The following ACE variants were observed in gnomAD, a reference collection of about 807,000 sequenced individuals.
ACE encodes the protein angiotensin-converting enzyme.
In ACE, 122 loss-of-function variants were observed where a neutral mutation model predicts 162.3. The observed-to-expected ratio is 0.75, with a 90% CI of 0.65 to 0.87. ACE has a LOEUF of 0.87. ACE is among the 40% of genes least tolerant of loss of function. The probability of loss-of-function intolerance (pLI) is 0.00; values close to 1 mark genes in which losing one functional copy is unlikely to be tolerated. For synonymous variants in ACE, 796 were observed against 720.6 expected (o/e 1.10, Z -1.68); for missense variants, 1,799 against 1,735.1 (o/e 1.04, Z -0.65).
chr17:63,494,447 T>C lies in ACE; in HGVS notation c.3357T>C (p.Ile1119=). Residue 1119 remains isoleucine, a synonymous_variant, in exon 22 of 25, where the codon ATT becomes ATC. Coordinates refer to ENST00000290866, the MANE Select transcript of ACE (RefSeq NM_000789.4). The part of the protein sequence containing the change: ...GDFDPGAKFH[I]PSSVPYIRYF... ...TTGACCCAGGGGCCAAGTTCCACAT[T>C]CCTTCTAGCGTGCCTTACATCAGGT... 1 of 1,614,042 alleles carries C rather than the reference T, an allele frequency of 6.2e-7. No individual in the cohort carries two copies. Among genetic ancestry groups the C allele is most frequent in the Non-Finnish European group, 8.5e-7 (1 of 1,179,982 alleles).
In ACE at chr17:63,484,692, C is replaced by T; in HGVS notation, c.1921+151C>T. 1 of 1,445,886 alleles carries T rather than the reference C, an allele frequency of 6.9e-7. No individual in the cohort carries two copies. Among genetic ancestry groups the T allele is most frequent in the South Asian group, 1.4e-5 (1 of 69,412 alleles). 89.6% of individuals were successfully genotyped at this position (1,445,886 alleles called of 1,614,324 possible). ...CAGCCCCCCAAGCTCATCAGCAGGGCCTGCGAGTGGGGACAGGCATGTCTT... is the reference window on the plus strand; with the variant it reads ...CAGCCCCCCAAGCTCATCAGCAGGGTCTGCGAGTGGGGACAGGCATGTCTT... On this transcript the variant is annotated intron_variant, in intron 12 of 24. Coordinates refer to ENST00000290866, the MANE Select transcript of ACE (RefSeq NM_000789.4). This position sits in a 1 kb window ranked among gnomAD's most constrained non-coding sequence, Gnocchi z 4.0.
intron 7 of ACE, 45 bp downstream of exon 7, chr17:63,481,783 G>A (rs756543944): frequency 7.4e-6 from 12 of 1,613,070 alleles, no homozygotes; most frequent in Non-Finnish European, 9.3e-6. Flanking sequence ...CCGGTTCTGG[G>A]GCCCGGGGAA....
rs761685671 is a variant in ACE at position 63,496,968 on chromosome 17, A to C, written c.3674A>C (p.Asn1225Thr). The C allele has an allele frequency of 6.2e-7, 1 of 1,611,890 alleles. No homozygotes were observed. Among genetic ancestry groups the C allele is most frequent in the Non-Finnish European group, 8.5e-7 (1 of 1,179,690 alleles). ...HGEKLGWPQY[N>T]WTPNSARSEG... The stretch of plus-strand genomic sequence containing the variant: ...GAGAAGCTGGGCTGGCCGCAGTACA[A>C]CTGGACGCCGAACTCCGGTACCGCC... The change falls in exon 24 of 25, where the codon AAC becomes ACC. Residue 1225 changes from asparagine (N) to threonine (T), a missense_variant. Physicochemically the swap from Asn to Thr is moderately conservative, Grantham distance 65 (BLOSUM62 0). Transcript: ENST00000290866.
chr17:63,494,637 G>GT (rs1218867334), intron 22 of ACE, among the ~76,000 whole-genome samples, 167 bp downstream of exon 22: 8 of 152,316 alleles, frequency 5.3e-5, no homozygotes, highest in South Asian at 4.1e-4. Flanking sequence ...AGGCTGATGG[G>GT]TTTTTTCTTG....
chr17:63,481,691 GGT>G lies in ACE; in HGVS notation c.1075_1076del (p.Cys359ProfsTer32). On this transcript the variant is annotated frameshift_variant, in exon 7 of 25. Coordinates refer to ENST00000290866, the MANE Select transcript of ACE (RefSeq NM_000789.4). LOFTEE classifies it high-confidence loss of function. ...LEKPADGREV[V>X]CHASAWDFYN... ...AGAAGCCGGCCGACGGGCGGGAAGTGGTGTGCCACGCCTCGGCTTGGGACTTC... is the reference window on the plus strand; with the variant it reads ...AGAAGCCGGCCGACGGGCGGGAAGTGGTGCCACGCCTCGGCTTGGGACTTC... 1 of 1,614,190 alleles carries G rather than the reference GGT, an allele frequency of 6.2e-7. No homozygotes were observed. The highest frequency in any genetic ancestry group is 2.2e-5 in the East Asian group (1 of 44,888).
chr17:63,495,892 T>C (rs561077260), intron 22 of ACE, among the ~76,000 whole-genome samples: 13 of 152,296 alleles, frequency 8.5e-5, no homozygotes, highest in African/African-American at 3.1e-4. Flanking sequence ...ATTTAAAACC[T>C]CTTCAGACTT....
At chr17:63,497,102 G>T in intron 24 of ACE, 35 bp from the exon 25 acceptor site, 1 of 1,595,922 alleles carries the variant, frequency 6.3e-7, no homozygotes, top group Non-Finnish European at 8.5e-7. Flanking sequence ...GCCCTGCCCT[G>T]CCCTGCCCAT....
rs921227559 is a variant in ACE at position 63,483,105 on chromosome 17, G to A, written c.1419G>A (p.Gln473=). ...AFLPFGYLVD[Q]WRWGVFSGRT... is the part of the protein sequence containing the mutation. ...TGCCCTTTGGCTACTTGGTGGACCA[G>A]TGGCGCTGGGGGGTCTTTAGTGGGC... Residue 473 remains glutamine, a synonymous_variant, in exon 9 of 25, where the codon CAG becomes CAA. Transcript: ENST00000290866. The A allele has an allele frequency of 6.2e-7, 1 of 1,614,194 alleles. No individual in the cohort carries two copies. The highest frequency in any genetic ancestry group is 8.5e-7 in the Non-Finnish European group (1 of 1,180,038).
At chr17:63,493,694 G>T in intron 20 of ACE, 35 bp downstream of exon 20, 1 of 1,607,880 alleles carries the variant, frequency 6.2e-7, no homozygotes, top group African/African-American at 1.3e-5. Flanking sequence ...GTGGGCTGAG[G>T]ACCAAGAAAG....
chr17:63,493,031 A>T (rs999472075), intron 19 of ACE, among the ~76,000 whole-genome samples: 2 of 152,198 alleles, frequency 1.3e-5, no homozygotes, highest in Non-Finnish European at 2.9e-5. Context: ...CACCCCTGAC[A>T]GAAACAGTTG....
At chr17:63,487,171 T>C in intron 15 of ACE, 98 bp downstream of exon 15, 1 of 1,030,526 alleles carries the variant, frequency 9.7e-7, no homozygotes, top group Non-Finnish European at 1.5e-6. Flanking sequence ...TTCCCCTCGC[T>C]CTTGGGGTCA....
chr17:63,497,443 G>A lies in ACE; in HGVS notation c.*77G>A, dbSNP rs987624929. ...ATGGGAACACTGGTGGGCAGCTGAG[G>A]ACACACCCCACACCCCAGCCCACCC... On this transcript the variant is annotated 3_prime_UTR_variant, in exon 25 of 25. Transcript: ENST00000290866. 8.2e-6 allele frequency: 11 copies of A among 1,341,662 alleles called. No individual in the cohort carries two copies. Among genetic ancestry groups the A allele is most frequent in the Non-Finnish European group, 1.1e-5 (11 of 965,636 alleles). 83.1% of individuals were successfully genotyped at this position (1,341,662 alleles called of 1,614,324 possible).
chr17:63,489,255 G>A (rs1254788503), intron 17 of ACE, 123 bp downstream of exon 17: 3 of 1,269,550 alleles, frequency 2.4e-6, no homozygotes, highest in Non-Finnish European at 3.3e-6. Flanking sequence ...GCCCTGTGGG[G>A]GATGGTTGCC....
At position 63,494,062 on chromosome 17, in the gene ACE, C is replaced by A; in HGVS notation, c.3277C>A (p.Leu1093Ile). The change falls in exon 21 of 25, where the codon CTC (leucine) becomes ATC (isoleucine). Residue 1093 changes from leucine (L) to isoleucine (I), a missense_variant. Physicochemically the swap from Leu to Ile is conservative, Grantham distance 5. Transcript: ENST00000290866. ...KENYNQEWWS[L>I]RLKYQGLCPP... is the part of the protein sequence containing the mutation. Reference sequence around the variant, plus strand: ...GAACTATAACCAGGAGTGGTGGAGCCTCAGGTTCTGGAACACTCCCACGGG... The same window carrying A: ...GAACTATAACCAGGAGTGGTGGAGCATCAGGTTCTGGAACACTCCCACGGG... 6.2e-7 allele frequency: 1 copy of A among 1,614,032 alleles called. No individual in the cohort carries two copies. The highest frequency in any genetic ancestry group is 1.7e-4 in the Middle Eastern group (1 of 6,060).
In ACE at chr17:63,483,568, C is replaced by CGGG; in HGVS notation, c.1586+10_1586+11insGGG. 7.4e-5 allele frequency: 118 copies of CGGG among 1,584,958 alleles called. No homozygotes were observed. The highest frequency in any genetic ancestry group is 1.8e-4 in the Middle Eastern group (1 of 5,608). ...TGACACCATACATCAGGTATTAGCG[C>CGGG]CCCCACCCCACCCACCCCCAGTACT... On this transcript the variant is annotated intron_variant, in intron 10 of 24. Coordinates refer to ENST00000290866, the MANE Select transcript of ACE (RefSeq NM_000789.4).
Position 63,497,201 on chromosome 17 carries a change from G to C in ACE, c.3756G>C (p.Ala1252=), listed in dbSNP as rs770384980. 4 of 1,601,668 alleles carry C rather than the reference G, an allele frequency of 2.5e-6. No individual in the cohort carries two copies. In the East Asian group the frequency reaches 6.7e-5, roughly 27 times the overall value. The part of the protein sequence containing the change: ...RVSFLGLDLD[A]QQARVGQWLL... ...GCTTCCTGGGCCTGGACCTGGATGC[G>C]CAGCAGGCCCGCGTGGGCCAGTGGC... is the stretch of plus-strand genomic sequence containing the variant. Residue 1252 remains alanine, a synonymous_variant, in exon 25 of 25, where the codon GCG becomes GCC. Transcript: ENST00000290866.
intron 1 of ACE, 118 bp downstream of exon 1, chr17:63,477,461 G>C: frequency 2.4e-6 from 2 of 829,062 alleles, no homozygotes; most frequent in Non-Finnish European, 3.0e-6. Context: ...CCCGACCCCG[G>C]ACCCTCGCCC....
At chr17:63,487,659 A>C (rs1599147539) in intron 15 of ACE, among the ~76,000 whole-genome samples, 1 of 151,226 alleles carries the variant, frequency 6.6e-6, no homozygotes. Flanking sequence ...GGTCCTTCTT[A>C]CCCCGGCCCG....
rs1351048530 is a variant in ACE at position 63,493,940 on chromosome 17, T to C, written c.3155T>C (p.Leu1052Pro). The change falls in exon 21 of 25, where the codon CTG becomes CCG. Residue 1052 changes from leucine to proline, a missense_variant. By Grantham distance (98) the Leu-to-Pro change is moderately conservative (BLOSUM62 -3). Coordinates refer to ENST00000290866, the MANE Select transcript of ACE (RefSeq NM_000789.4). ...GGSDEHDINF[L>P]MKMALDKIAF... ...CTTGCAGAGCATGACATCAACTTTC[T>C]GATGAAGATGGCCCTTGACAAGATC... 1 of 1,614,118 alleles carries C rather than the reference T, an allele frequency of 6.2e-7. No homozygotes were observed.
Sources: gnomAD v4.1 joint callset for allele counts (sites outside exome capture counted in the v4.1 genomes callset) on GRCh38, gnomAD v4.1.1 for gene constraint, Gnocchi (gnomAD v3.1) non-coding constraint, MANE v1.5 for transcripts, NCBI Gene and HGNC (gene_info 2026-07-23, HGNC 2026-07-21) for gene names.